AGMO: variants seen among roughly 807,000 people sequenced by gnomAD.
AGMO encodes glyceryl-ether monooxygenase.
A neutral mutation model predicts 60.2 loss-of-function variants in AGMO; 75 were observed. That is an observed-to-expected ratio of 1.25 (90% CI 1.03 to 1.51). The LOEUF (loss-of-function observed/expected upper bound fraction) is 1.51, where lower values mean the gene tolerates loss of function less well. Ranked by LOEUF, AGMO falls within the 40% of genes most tolerant of loss-of-function variation. The pLI is 0.00. For synonymous variants in AGMO, 261 were observed against 177.1 expected (o/e 1.47, Z -3.76); for missense variants, 763 against 525.5 (o/e 1.45, Z -4.42).
the AGMO span, among the ~76,000 whole-genome samples, chr7:15,119,918 T>C: frequency 6.9e-6 from 1 of 144,650 alleles, no homozygotes; most frequent in Non-Finnish European, 1.5e-5. Flanking sequence ...GCACCAGAGA[T>C]AAATCATGCA....
intron 12 of AGMO, among the ~76,000 whole-genome samples, chr7:15,337,094 C>A (rs746482510): frequency 6.6e-6 from 1 of 152,138 alleles, no homozygotes; most frequent in Non-Finnish European, 1.5e-5. Context: ...ATCAGGTTAG[C>A]AAAATGTCAC....
chr7:15,296,515 AGAG>A (rs1223950799), intron 12 of AGMO, among the ~76,000 whole-genome samples: 1 of 152,120 alleles, frequency 6.6e-6, no homozygotes, highest in Non-Finnish European at 1.5e-5. Context: ...ATCCTTTCCA[AGAG>A]AAGACAGCCA....
the AGMO span, among the ~76,000 whole-genome samples, chr7:15,163,577 C>T: frequency 6.6e-6 from 1 of 151,932 alleles, no homozygotes; most frequent in Non-Finnish European, 1.5e-5. Context: ...ATTGAAATGA[C>T]CTATGGTTTT....
At chr7:15,378,948 T>C (rs1180481974) in intron 10 of AGMO, among the ~76,000 whole-genome samples, 3 of 152,024 alleles carry the variant, frequency 2.0e-5, no homozygotes, top group Admixed American at 2.0e-4. Flanking sequence ...AAATTAAGAC[T>C]AAGAAATTCA....
chr7:15,386,198 A>G (rs977368520), intron 9 of AGMO, among the ~76,000 whole-genome samples: 1 of 76,210 alleles, frequency 1.3e-5, no homozygotes, highest in Non-Finnish European at 2.9e-5. Context: ...GAAAAGAAAA[A>G]AAAGGTGATC....
intron 12 of AGMO, among the ~76,000 whole-genome samples, chr7:15,347,355 C>T (rs965691215): frequency 6.6e-6 from 1 of 151,978 alleles, no homozygotes. Context: ...AGGTTTCTCC[C>T]ACTTATAAAA....
intron 12 of AGMO, among the ~76,000 whole-genome samples, chr7:15,214,088 A>G (rs1011609502): frequency 5.9e-5 from 9 of 151,982 alleles, no homozygotes; most frequent in African/African-American, 1.4e-4. Context: ...TCTCTCTTCA[A>G]TGAGACATAA....
chr7:15,290,254 C>G (rs1013859253), intron 12 of AGMO, among the ~76,000 whole-genome samples: 27 of 152,124 alleles, frequency 1.8e-4, no homozygotes, highest in Non-Finnish European at 2.1e-4. Context: ...GTCTCGAACT[C>G]CTCACCTCGT....
At chr7:15,557,402 T>A (rs1785174488) in intron 2 of AGMO, among the ~76,000 whole-genome samples, 1 of 152,026 alleles carries the variant, frequency 6.6e-6, no homozygotes, top group Admixed American at 6.6e-5. Flanking sequence ...TGGGAGAGGA[T>A]CCGATCATTG....
Position 15,285,867 on chromosome 7 carries a change from G to A in AGMO, c.1263+79647C>T, listed in dbSNP as rs1056873413. On this transcript the variant is annotated intron_variant, in intron 12 of 12. Transcript: ENST00000342526. ...AAAACAGCATGACACTGGTATACAA[G>A]TAGGTGCATCATAAACCAATGGAAC... is the stretch of plus-strand genomic sequence containing the variant. Among the ~76,000 whole-genome samples the A allele has an allele frequency of 2.0e-5, 3 of 151,890 alleles. No homozygotes were observed. In the South Asian group the frequency reaches 6.2e-4, roughly 31 times the overall value.
chr7:15,319,733 A>T (rs1781049940), intron 12 of AGMO, among the ~76,000 whole-genome samples: 2 of 152,152 alleles, frequency 1.3e-5, no homozygotes, highest in African/African-American at 4.8e-5. Flanking sequence ...CAGCAAGAAA[A>T]ATGACAGGCA....
At chr7:15,510,639 A>G (rs1362379151) in intron 3 of AGMO, among the ~76,000 whole-genome samples, 7 of 150,148 alleles carry the variant, frequency 4.7e-5, no homozygotes, top group Non-Finnish European at 1.0e-4. Context: ...GTTTACAACA[A>G]CGTAGATGAA....
At chr7:15,553,548 G>A (rs967581539) in intron 2 of AGMO, among the ~76,000 whole-genome samples, 7 of 151,564 alleles carry the variant, frequency 4.6e-5, no homozygotes, top group Non-Finnish European at 1.0e-4. Flanking sequence ...CTATTAAACA[G>A]GGCAAATGCC....
At chr7:15,348,928 C>G (rs993326249) in intron 12 of AGMO, among the ~76,000 whole-genome samples, 5 of 152,012 alleles carry the variant, frequency 3.3e-5, no homozygotes, top group African/African-American at 1.2e-4. Flanking sequence ...AAAATAGAAC[C>G]TCAAAGTTCT....
intron 12 of AGMO, among the ~76,000 whole-genome samples, chr7:15,281,749 C>G (rs1783972443): frequency 6.6e-6 from 1 of 152,166 alleles, no homozygotes; most frequent in Non-Finnish European, 1.5e-5. Flanking sequence ...TCCTACTGGC[C>G]TGAAGCCTAA....
At chr7:15,377,421 T>C (rs1365027748) in intron 10 of AGMO, among the ~76,000 whole-genome samples, 4 of 151,968 alleles carry the variant, frequency 2.6e-5, no homozygotes, top group Non-Finnish European at 5.9e-5. Flanking sequence ...GAGAAAACCA[T>C]GCTGTAAGTC....
intron 12 of AGMO, among the ~76,000 whole-genome samples, chr7:15,281,289 C>T (rs1416946384): frequency 6.6e-6 from 1 of 152,142 alleles, no homozygotes; most frequent in Non-Finnish European, 1.5e-5. Flanking sequence ...TCTTTCTCCC[C>T]TTGTCCACCA....
chr7:15,135,726 G>A, the AGMO span, among the ~76,000 whole-genome samples: 1 of 145,420 alleles, frequency 6.9e-6, no homozygotes, highest in Middle Eastern at 3.7e-3. Flanking sequence ...CATATTTCAA[G>A]ATAATCTGCT....
the AGMO span, among the ~76,000 whole-genome samples, chr7:15,193,803 A>C: frequency 2.0e-5 from 3 of 152,312 alleles, no homozygotes; most frequent in African/African-American, 7.2e-5. Flanking sequence ...AATTTTTTTC[A>C]AAGTCTTACT....
Sources: allele counts gnomAD v4.1 joint callset (sites outside exome capture counted in the v4.1 genomes callset), GRCh38; gene constraint gnomAD v4.1.1; transcripts MANE v1.5; gene names NCBI Gene and HGNC (gene_info 2026-07-23, HGNC 2026-07-21).